Variants in BCL9 observed in about 807,000 individuals in gnomAD.
BCL9 encodes the protein B-cell CLL/lymphoma 9 protein.
A neutral mutation model predicts 88.5 loss-of-function variants in BCL9; 25 were observed. The ratio of observed to expected loss-of-function variants is 0.28; its 90% CI spans 0.21 to 0.39. The LOEUF (loss-of-function observed/expected upper bound fraction) is 0.39, where lower values mean the gene tolerates loss of function less well. Among genes scored for constraint, BCL9 ranks in the 10% least tolerant of loss-of-function variants. BCL9 has a pLI of 1.00. For missense variants in BCL9, 1,817 were observed against 1,877.8 expected, an observed-to-expected ratio of 0.97 and a Z score of 0.60; for synonymous variants, 711 against 673.3, an observed-to-expected ratio of 1.06 and a Z score of -0.87.
chr1:147,570,653 T>TTG (rs1481643504), intron 1 of BCL9, among the ~76,000 whole-genome samples: 14,384 of 51,260 alleles, frequency 0.28, 1,557 homozygotes, highest in Middle Eastern at 0.52. Flanking sequence ...TTTTTTTTTG[T>TTG]AGATGGAGTT....
In BCL9 at chr1:147,620,202, G is replaced by A; in HGVS notation, c.2047G>A (p.Glu683Lys). The A allele has an allele frequency of 6.2e-7, 1 of 1,614,092 alleles. No individual in the cohort carries two copies. The highest frequency in any genetic ancestry group is 8.5e-7 in the Non-Finnish European group (1 of 1,179,970). Residue 683 changes from glutamate to lysine, a missense_variant, in exon 8 of 10, where the codon GAG (glutamate) becomes AAG (lysine). Physicochemically the swap from Glu to Lys is moderately conservative, Grantham distance 56. Around this residue, in one of 2 missense-constraint regions of BCL9, gnomAD observed 1,228 missense variants for 1,191.6 expected, o/e 1.03. Transcript: ENST00000234739. ...CCCCATTTTCCCTCGAATACCAGTT[G>A]AGGGCCCTCTGAGTCCTTCTAGGGG... ...NNPIFPRIPV[E>K]GPLSPSRGDF...
rs1658891316 is a variant in BCL9, at chr1:147,625,379, T to C, written c.*420T>C. On this transcript the variant is annotated 3_prime_UTR_variant, in exon 10 of 10. Transcript: ENST00000234739. Reference sequence around the variant, plus strand: ...TTATTTTTTTCTGTGTACTGTACTATATTGTAAAAGGGATTTTAGCAGAGA... The same window carrying C: ...TTATTTTTTTCTGTGTACTGTACTACATTGTAAAAGGGATTTTAGCAGAGA... The C allele has an allele frequency of 8.6e-6, 2 of 233,904 alleles. No homozygotes were observed. Among genetic ancestry groups the C allele is most frequent in the South Asian group, 3.2e-4 (2 of 6,288 alleles). The allele number at this position is 233,904 out of a possible 1,614,324, so 14.5% of individuals were successfully genotyped here.
rs782720332 is a variant in BCL9 at position 147,615,816 on chromosome 1, G to A, written c.574G>A (p.Val192Ile). 3.7e-6 allele frequency: 6 copies of A among 1,614,094 alleles called. No homozygotes were observed. In the South Asian group the frequency reaches 5.5e-5, roughly 15 times the overall value. Residue 192 changes from valine to isoleucine, a missense_variant, in exon 7 of 10, where the codon GTT becomes ATT. This residue lies in a region of BCL9 where 1,228 missense variants were observed against 1,191.6 expected (regional missense o/e 1.03). Coordinates refer to ENST00000234739, the MANE Select transcript of BCL9 (RefSeq NM_004326.4). ...CCATCTTTGCAGAGCTGCAGAAGCT[G>A]TTTTGAAGGGCCAGGTTGAAACTAT... is the stretch of plus-strand genomic sequence containing the variant. Reference protein sequence around the residue: ...TEMANKAAEAVLKGQVETIVS... With the variant: ...TEMANKAAEAILKGQVETIVS...
At chr1:147,568,653 CCTT>C (rs1655724851) in intron 1 of BCL9, among the ~76,000 whole-genome samples, 1 of 151,992 alleles carries the variant, frequency 6.6e-6, no homozygotes, top group African/African-American at 2.4e-5. Flanking sequence ...TTAACAATCT[CCTT>C]CTCTTATCTG....
intron 1 of BCL9, among the ~76,000 whole-genome samples, chr1:147,564,135 G>T (rs587602299): frequency 6.6e-6 from 1 of 152,148 alleles, no homozygotes. Flanking sequence ...CTCTATAGGC[G>T]TGTGATCTCA....
In BCL9 at chr1:147,611,651, G is replaced by A; in HGVS notation, c.-186G>A. 5 of 599,056 alleles carry A rather than the reference G, an allele frequency of 8.3e-6. No homozygotes were observed. Among genetic ancestry groups the A allele is most frequent in the Non-Finnish European group, 1.5e-5 (5 of 329,664 alleles). 37.1% of individuals were successfully genotyped at this position (599,056 alleles called of 1,614,324 possible). A position where few individuals can be genotyped will look rare whatever the true frequency, so the allele number is the denominator to read the frequency against. ...CCAGAGAATGCTGGAGCTGCAAGGG[G>A]AAAGGACCCACTTCCACAGCAGAGA... is the stretch of plus-strand genomic sequence containing the variant. On this transcript the variant is annotated 5_prime_UTR_variant, in exon 4 of 10. Coordinates refer to ENST00000234739, the MANE Select transcript of BCL9 (RefSeq NM_004326.4).
At chr1:147,545,581 T>C (rs1654529187) in intron 1 of BCL9, among the ~76,000 whole-genome samples, 1 of 152,202 alleles carries the variant, frequency 6.6e-6, no homozygotes, top group Non-Finnish European at 1.5e-5. Context: ...AATGTGTAGG[T>C]ACTCTGCATA....
intron 1 of BCL9, among the ~76,000 whole-genome samples, chr1:147,577,843 T>C (rs1553198235): frequency 6.6e-6 from 1 of 151,484 alleles, no homozygotes; most frequent in East Asian, 1.9e-4. Context: ...AATGTGTGTG[T>C]GTGTGTGTGT....
chr1:147,599,494 G>A (rs1007525030), intron 1 of BCL9, among the ~76,000 whole-genome samples: 2 of 134,828 alleles, frequency 1.5e-5, no homozygotes, highest in Admixed American at 7.7e-5. Context: ...CTGGCCCCCC[G>A]CCCCCCTCGG....
intron 7 of BCL9, 64 bp downstream of exon 7, chr1:147,615,966 G>T: frequency 6.7e-7 from 1 of 1,484,164 alleles, no homozygotes; most frequent in South Asian, 1.2e-5. Context: ...AGGAAAGGAG[G>T]TGGTGAATTT....
chr1:147,564,137 G>T (rs1553196415), intron 1 of BCL9, among the ~76,000 whole-genome samples: 1 of 152,160 alleles, frequency 6.6e-6, no homozygotes, highest in East Asian at 1.9e-4. Flanking sequence ...CTATAGGCGT[G>T]TGATCTCAGA....
At chr1:147,579,755 C>T (rs150877210) in intron 1 of BCL9, among the ~76,000 whole-genome samples, 163 of 152,290 alleles carry the variant, frequency 1.1e-3, no homozygotes, top group African/African-American at 3.4e-3. Flanking sequence ...GGAGAACTCA[C>T]GTGATGCTGA....
chr1:147,543,983 G>A (rs2101451863), intron 1 of BCL9, among the ~76,000 whole-genome samples: 2 of 152,262 alleles, frequency 1.3e-5, no homozygotes, highest in East Asian at 3.9e-4. Context: ...GCAAACATGG[G>A]TCCACAACAT....
Position 147,619,676 on chromosome 1 carries a change from T to G in BCL9, c.1521T>G (p.Pro507=), listed in dbSNP as rs1658501265. 6.2e-7 allele frequency: 1 copy of G among 1,613,920 alleles called. No individual in the cohort carries two copies. The highest frequency in any genetic ancestry group is 1.1e-5 in the South Asian group (1 of 91,088). The change falls in exon 8 of 10, where the codon CCT becomes CCG. Residue 507 remains proline (P), a synonymous_variant. Coordinates refer to ENST00000234739, the MANE Select transcript of BCL9 (RefSeq NM_004326.4). This position sits in a 1 kb window ranked among gnomAD's most constrained non-coding sequence, Gnocchi z 4.1. ...LQDMMVHQHG[P]RGVVRGPPPP... ...ACATGATGGTCCATCAGCACGGGCC[T>G]CGGGGAGTGGTCCGAGGACCCCCCC... is the stretch of plus-strand genomic sequence containing the variant.
At chr1:147,611,059 TC>T (rs1553202535) in intron 3 of BCL9, among the ~76,000 whole-genome samples, 5 of 151,866 alleles carry the variant, frequency 3.3e-5, no homozygotes, top group African/African-American at 2.4e-5. Flanking sequence ...TCCTTTAAAG[TC>T]CCCCCGCCCC....
chr1:147,579,437 A>C (rs1343647725), intron 1 of BCL9, among the ~76,000 whole-genome samples: 1 of 152,194 alleles, frequency 6.6e-6, no homozygotes, highest in South Asian at 2.1e-4. Context: ...GTGCTTAATA[A>C]ATGCTTCCTT....
rs1208360151 is a variant in BCL9, at chr1:147,570,653, T to G, written c.-478+28979T>G. Among the ~76,000 whole-genome samples the G allele has an allele frequency of 3.1e-4, 16 of 51,256 alleles. 3 individuals carry two copies. The highest frequency in any genetic ancestry group is 4.0e-4 in the African/African-American group (4 of 9,878). The allele number at this position is 51,256 out of a possible 152,430, so 33.6% of individuals were successfully genotyped here. A position where few individuals can be genotyped will look rare whatever the true frequency, so the allele number is the denominator to read the frequency against. ...TTCTTTTTTTTCTTTTTTTTTTTTGTAGATGGAGTTTTGCTCTTGTTGCAT... is the reference window on the plus strand; with the variant it reads ...TTCTTTTTTTTCTTTTTTTTTTTTGGAGATGGAGTTTTGCTCTTGTTGCAT... On this transcript the variant is annotated intron_variant, in intron 1 of 9. Transcript: ENST00000234739.
intron 8 of BCL9, among the ~76,000 whole-genome samples, chr1:147,621,608 G>A (rs1245775893): frequency 6.6e-6 from 1 of 152,192 alleles, no homozygotes; most frequent in African/African-American, 2.4e-5. Context: ...GATGATGATG[G>A]TTTTGTGAGT....
intron 1 of BCL9, among the ~76,000 whole-genome samples, chr1:147,599,609 G>T (rs1039946030): frequency 6.6e-6 from 1 of 152,028 alleles, no homozygotes; most frequent in Admixed American, 6.5e-5. Flanking sequence ...CTCCCGCCCC[G>T]CCGGCCCCTC....
Sources: allele counts gnomAD v4.1 joint callset (sites outside exome capture counted in the v4.1 genomes callset), GRCh38; gene constraint gnomAD v4.1.1; regional missense constraint gnomAD v4.1.1; non-coding constraint Gnocchi (gnomAD v3.1); transcripts MANE v1.5; gene names NCBI Gene and HGNC (gene_info 2026-07-23, HGNC 2026-07-21).